The following LAPTM4B variants were observed in gnomAD, a reference collection of about 807,000 sequenced individuals.
The protein encoded by LAPTM4B is lysosomal protein transmembrane 4 beta.
Under a neutral mutation model 28.5 loss-of-function variants are expected in LAPTM4B, and 26 were observed. The ratio of observed to expected loss-of-function variants is 0.91; its 90% CI spans 0.67 to 1.27. The LOEUF (loss-of-function observed/expected upper bound fraction) is 1.27, where lower values mean the gene tolerates loss of function less well. Among genes scored for constraint, LAPTM4B ranks in the 50% most tolerant of loss-of-function variants. The pLI is 0.00. For synonymous variants in LAPTM4B, 109 were observed against 106.4 expected (o/e 1.02, Z -0.15); for missense variants, 288 against 285.8 (o/e 1.01, Z -0.06).
At chr8:97,828,386 G>C (rs1231333935) in intron 6 of LAPTM4B, among the ~76,000 whole-genome samples, 1 of 152,126 alleles carries the variant, frequency 6.6e-6, no homozygotes, top group Non-Finnish European at 1.5e-5. Context: ...GTAATAGCTT[G>C]GATGCTGTTT....
intron 3 of LAPTM4B, 53 bp from the exon 4 acceptor site, chr8:97,816,005 A>G (rs1816906144): frequency 8.9e-6 from 13 of 1,462,708 alleles, no homozygotes; most frequent in African/African-American, 2.9e-5. Flanking sequence ...TTTAAGAAAA[A>G]TATTGTTTTA....
intron 1 of LAPTM4B, among the ~76,000 whole-genome samples, chr8:97,782,611 T>A (rs910358885): frequency 6.6e-6 from 1 of 151,954 alleles, no homozygotes; most frequent in African/African-American, 2.4e-5. Context: ...GCTAATTTTT[T>A]ATTTTTGGTA....
intron 6 of LAPTM4B, 73 bp from the exon 7 acceptor site, chr8:97,851,324 C>T: frequency 8.3e-7 from 1 of 1,208,946 alleles, no homozygotes. Flanking sequence ...CATAAAAGTT[C>T]AGTAAAAGCT....
intron 1 of LAPTM4B, among the ~76,000 whole-genome samples, chr8:97,798,002 G>A (rs192887973): frequency 1.5e-5 from 2 of 131,324 alleles, no homozygotes; most frequent in Admixed American, 1.5e-4. Flanking sequence ...CCAAATATAA[G>A]TGAGCATTAG....
rs1407519330 is a variant in LAPTM4B, at chr8:97,812,095, C to T, written c.212-3233C>T. Among the ~76,000 whole-genome samples the T allele has an allele frequency of 2.6e-5, 4 of 152,156 alleles. No homozygotes were observed. In the East Asian group the frequency reaches 5.8e-4, roughly 22 times the overall value. ...TCCTGGGATTGCAGGAGTGAGCCACCGCGCCCGGCCTGGCTCTTTATTTTC... is the reference window on the plus strand; with the variant it reads ...TCCTGGGATTGCAGGAGTGAGCCACTGCGCCCGGCCTGGCTCTTTATTTTC... On this transcript the variant is annotated intron_variant, in intron 2 of 6. Transcript: ENST00000521545.
chr8:97,792,256 T>C (rs1267971174), intron 1 of LAPTM4B, among the ~76,000 whole-genome samples: 1 of 152,068 alleles, frequency 6.6e-6, no homozygotes, highest in Non-Finnish European at 1.5e-5. Context: ...GTTGGTTCTT[T>C]TTTATTTTTA....
intron 3 of LAPTM4B, 134 bp from the exon 4 acceptor site, chr8:97,815,924 G>A (rs1816904985): frequency 1.8e-5 from 14 of 796,526 alleles, no homozygotes; most frequent in Middle Eastern, 3.3e-4. Flanking sequence ...TGGCATACTG[G>A]TTTCCACCAT....
At chr8:97,776,259 T>C in intron 1 of LAPTM4B, 151 bp downstream of exon 1, 1 of 1,021,050 alleles carries the variant, frequency 9.8e-7, no homozygotes, top group Non-Finnish European at 1.3e-6. Context: ...GCGTCCGCAC[T>C]TCCCCCGGCT....
At chr8:97,837,535 T>A (rs1335736711) in intron 6 of LAPTM4B, among the ~76,000 whole-genome samples, 1 of 152,190 alleles carries the variant, frequency 6.6e-6, no homozygotes, top group African/African-American at 2.4e-5. Context: ...CTTGACTGCA[T>A]AATGAGTTCT....
intron 6 of LAPTM4B, among the ~76,000 whole-genome samples, chr8:97,832,418 C>T (rs561584044): frequency 1.3e-5 from 2 of 152,204 alleles, no homozygotes; most frequent in South Asian, 2.1e-4. Flanking sequence ...TGCTTGGTAG[C>T]GGTTGGTCAG....
chr8:97,825,101 A>G lies in LAPTM4B; in HGVS notation c.551A>G (p.Asn184Ser), dbSNP rs771764712. The G allele has an allele frequency of 5.0e-6, 8 of 1,611,710 alleles. No individual in the cohort carries two copies. In the East Asian group the frequency reaches 1.3e-4, roughly 27 times the overall value. Residue 184 changes from asparagine (N) to serine (S), a missense_variant, in exon 6 of 7, where the codon AAT becomes AGT. Transcript: ENST00000521545. ...SCVWNCYRYI[N>S]GRNSSDVLVY... ...GTTTGGAACTGCTACCGATACATCA[A>G]TGGTAGGAACTCCTCTGATGTCCTG... is the stretch of plus-strand genomic sequence containing the variant.
chr8:97,781,924 A>G (rs1000330044), intron 1 of LAPTM4B, among the ~76,000 whole-genome samples: 5 of 151,322 alleles, frequency 3.3e-5, no homozygotes, highest in Non-Finnish European at 4.4e-5. Context: ...GTTATTTCCA[A>G]TTTGGGGCTA....
chr8:97,783,683 C>G (rs1293017377), intron 1 of LAPTM4B, among the ~76,000 whole-genome samples: 1 of 152,190 alleles, frequency 6.6e-6, no homozygotes, highest in African/African-American at 2.4e-5. Context: ...TATCTTTTCT[C>G]AAGCCTTCTA....
intron 5 of LAPTM4B, among the ~76,000 whole-genome samples, chr8:97,822,708 A>G (rs1374436471): frequency 6.6e-6 from 1 of 152,130 alleles, no homozygotes; most frequent in Admixed American, 6.5e-5. Flanking sequence ...TTTTAAAAAA[A>G]TTTTGTGGGT....
intron 6 of LAPTM4B, among the ~76,000 whole-genome samples, chr8:97,839,658 A>ATC (rs1817315999): frequency 6.6e-6 from 1 of 152,178 alleles, no homozygotes; most frequent in Non-Finnish European, 1.5e-5. Context: ...TTGAGAGGAC[A>ATC]TCTAGAGCAG....
Position 97,851,489 on chromosome 8 carries a change from G to A in LAPTM4B, c.*15G>A, listed in dbSNP as rs185659460. Reference sequence around the variant, plus strand: ...TGTCTGCCTAAGCCTTCAAGTGGGCGGAGCTGAGGGCAGCAGCTTGACTTT... The same window carrying A: ...TGTCTGCCTAAGCCTTCAAGTGGGCAGAGCTGAGGGCAGCAGCTTGACTTT... On this transcript the variant is annotated 3_prime_UTR_variant, in exon 7 of 7. Transcript: ENST00000521545. 169 of 1,600,626 alleles carry A rather than the reference G, an allele frequency of 1.1e-4. No individual in the cohort carries two copies. Among genetic ancestry groups the A allele is most frequent in the Middle Eastern group, 1.7e-4 (1 of 6,036 alleles).
intron 6 of LAPTM4B, among the ~76,000 whole-genome samples, chr8:97,841,793 C>A (rs1234674540): frequency 6.6e-6 from 1 of 152,118 alleles, no homozygotes; most frequent in African/African-American, 2.4e-5. Context: ...GCAAATGTGG[C>A]GTGACCAATT....
chr8:97,849,107 C>G (rs1817477655), intron 6 of LAPTM4B, among the ~76,000 whole-genome samples: 1 of 152,150 alleles, frequency 6.6e-6, no homozygotes, highest in Admixed American at 6.5e-5. Context: ...TAGCAAACAC[C>G]TTGCAGTTCC....
At chr8:97,802,213 G>A (rs144683974) in intron 1 of LAPTM4B, among the ~76,000 whole-genome samples, 98 of 152,248 alleles carry the variant, frequency 6.4e-4, no homozygotes, top group African/African-American at 2.2e-3. Flanking sequence ...ACAAAAGAAT[G>A]GTTACTCCAT....
Sources: gnomAD v4.1 joint callset for allele counts (sites outside exome capture counted in the v4.1 genomes callset) on GRCh38, gnomAD v4.1.1 for gene constraint, MANE v1.5 for transcripts, NCBI Gene and HGNC (gene_info 2026-07-23, HGNC 2026-07-21) for gene names.